HSPBP1: variants seen among roughly 807,000 people sequenced by gnomAD.
HSPBP1 encodes the protein hsp70-binding protein 1.
In HSPBP1, 31 loss-of-function variants were observed where a neutral mutation model predicts 41.7. That is an observed-to-expected ratio of 0.74 (90% CI 0.56 to 1.00). The LOEUF (loss-of-function observed/expected upper bound fraction) is 1.00, where lower values mean the gene tolerates loss of function less well. Ranked by LOEUF, HSPBP1 falls within the 50% of genes least tolerant of loss-of-function variation. HSPBP1 has a pLI of 0.00. For missense variants in HSPBP1, 439 were observed against 487.9 expected, an observed-to-expected ratio of 0.90 and a Z score of 0.94; for synonymous variants, 199 against 214.4, an observed-to-expected ratio of 0.93 and a Z score of 0.63.
intron 4 of HSPBP1, among the ~76,000 whole-genome samples, chr19:55,267,180 C>T (rs916603112): frequency 6.6e-6 from 1 of 152,064 alleles, no homozygotes; most frequent in Non-Finnish European, 1.5e-5. Context: ...GATGGACTCT[C>T]GTTCTGTTGC....
Position 55,270,834 on chromosome 19 carries a change from T to C in HSPBP1, c.640+3564A>G, listed in dbSNP as rs1434889784. Among the ~76,000 whole-genome samples the C allele has an allele frequency of 6.7e-6, 1 of 148,762 alleles. No homozygotes were observed. Among genetic ancestry groups the C allele is most frequent in the Non-Finnish European group, 1.5e-5 (1 of 67,250 alleles). ...ATGCACCCCACATACCCCACACATA[T>C]ACATACATCCCCCCAGCACACACAT... On this transcript the variant is annotated intron_variant, in intron 4 of 7. Transcript: ENST00000433386. The surrounding 1 kb of genome is among the most constrained non-coding windows in gnomAD (Gnocchi z 5.4).
chr19:55,274,260 C>T (rs1426721625), intron 4 of HSPBP1, 138 bp downstream of exon 4: 8 of 838,814 alleles, frequency 9.5e-6, no homozygotes, highest in South Asian at 3.3e-5. Context: ...AGCACTCAGC[C>T]GTGCAGGGGT....
Position 55,277,764 on chromosome 19 carries a change from C to T in HSPBP1, c.293G>A (p.Arg98Gln), listed in dbSNP as rs748715217. 9 of 1,606,208 alleles carry T rather than the reference C, an allele frequency of 5.6e-6. No homozygotes were observed. The highest frequency in any genetic ancestry group is 2.2e-5 in the East Asian group (1 of 44,604). Reference sequence around the variant, plus strand: ...GGGGGGCATGGGCTGTGACAGCACTCGGAGGCAGCTCTTCATCTGCTCCAC... The same window carrying T: ...GGGGGGCATGGGCTGTGACAGCACTTGGAGGCAGCTCTTCATCTGCTCCAC... ...EEVEQMKSCL[R>Q]VLSQPMPPTA... The change falls in exon 3 of 8, where the codon CGA (arginine) becomes CAA (glutamine). Residue 98 changes from arginine (R) to glutamine (Q), a missense_variant. By Grantham distance (43) the Arg-to-Gln change is conservative. Transcript: ENST00000433386.
intron 2 of HSPBP1, among the ~76,000 whole-genome samples, chr19:55,278,701 G>A (rs905732464): frequency 7.9e-5 from 12 of 152,008 alleles, no homozygotes; most frequent in East Asian, 3.9e-4. Context: ...ATCACTTGAC[G>A]CCAGGAGTTC....
upstream of HSPBP1, chr19:55,280,336 CT>C (rs879295850): frequency 5.2e-5 from 8 of 155,022 alleles, no homozygotes; most frequent in Admixed American, 2.0e-4. Flanking sequence ...AGCCCTGCCC[CT>C]GGCCCAGTTT....
rs1441706827 is a variant in HSPBP1 at position 55,272,233 on chromosome 19, A to T, written c.640+2165T>A. ...CAGGAGCACGAGAGCCCAGAGATAC[A>T]AGGAAACCAGGGACTGTCAGCAGAC... On this transcript the variant is annotated intron_variant, in intron 4 of 7. Transcript: ENST00000433386. The surrounding 1 kb of genome is among the most constrained non-coding windows in gnomAD (Gnocchi z 4.2). 2.6e-5 allele frequency among the ~76,000 whole-genome samples: 4 copies of T among 152,154 alleles called. No individual in the cohort carries two copies. The highest frequency in any genetic ancestry group is 9.7e-5 in the African/African-American group (4 of 41,436).
chr19:55,279,253 T>C (rs904088824), intron 2 of HSPBP1, 146 bp downstream of exon 2: 1 of 661,418 alleles, frequency 1.5e-6, no homozygotes, highest in South Asian at 2.0e-5. Context: ...GCACAATTTA[T>C]AGCCCACAAT....
intron 4 of HSPBP1, among the ~76,000 whole-genome samples, chr19:55,267,756 G>C (rs955275840): frequency 7.2e-5 from 11 of 152,238 alleles, no homozygotes; most frequent in African/African-American, 2.7e-4. Flanking sequence ...ACCGTCCCCA[G>C]TCCGCAACAT....
chr19:55,274,431 T>C lies in HSPBP1; in HGVS notation c.607A>G (p.Thr203Ala). 1.4e-6 allele frequency: 2 copies of C among 1,428,006 alleles called. No individual in the cohort carries two copies. Among genetic ancestry groups the C allele is most frequent in the Non-Finnish European group, 1.9e-6 (2 of 1,077,270 alleles). The allele number at this position is 1,428,006 out of a possible 1,614,324, so 88.5% of individuals were successfully genotyped here. A position where few individuals can be genotyped will look rare whatever the true frequency, so the allele number is the denominator to read the frequency against. ...LRLLDRDACD[T>A]VRVKALFAIS... ...GCGAAGAGGGCCTTGACGCGCACCGTGTCGCAGGCGTCGCGGTCCAGCAGC... is the reference window on the plus strand; with the variant it reads ...GCGAAGAGGGCCTTGACGCGCACCGCGTCGCAGGCGTCGCGGTCCAGCAGC... The change falls in exon 4 of 8, where the codon ACG (threonine) becomes GCG (alanine). Residue 203 changes from threonine (T) to alanine (A), a missense_variant. Coordinates refer to ENST00000433386, the MANE Select transcript of HSPBP1 (RefSeq NM_012267.5).
In HSPBP1 at chr19:55,279,600, G is replaced by A. The variant is rs567104613; in HGVS notation, c.9C>T (p.Asp3=). The part of the protein sequence containing the change: MS[D]EGSRGSRLPL... ...GCAGGCGGCTCCCCCTTGAGCCTTC[G>A]TCTGACATGGGCCGTTTGTGAAGAA... The change falls in exon 2 of 8, where the codon GAC becomes GAT. Residue 3 remains aspartate (D), a synonymous_variant. Coordinates refer to ENST00000433386, the MANE Select transcript of HSPBP1 (RefSeq NM_012267.5). 3 of 1,588,744 alleles carry A rather than the reference G, an allele frequency of 1.9e-6. No individual in the cohort carries two copies. Among genetic ancestry groups the A allele is most frequent in the East Asian group, 2.3e-5 (1 of 43,640 alleles).
At chr19:55,267,360 A>G (rs963491828) in intron 4 of HSPBP1, among the ~76,000 whole-genome samples, 5 of 152,162 alleles carry the variant, frequency 3.3e-5, no homozygotes, top group African/African-American at 4.8e-5. Context: ...CATGTTGGCC[A>G]GGTTGGTCTC....
intron 7 of HSPBP1, among the ~76,000 whole-genome samples, chr19:55,264,100 TG>T (rs2087713673): frequency 6.6e-6 from 1 of 151,978 alleles, no homozygotes; most frequent in Non-Finnish European, 1.5e-5. Flanking sequence ...CCTGGGTAGC[TG>T]GGATTACAAG....
rs2087670111 is a variant in HSPBP1, at chr19:55,262,473, G to C, written c.*135C>G. The C allele has an allele frequency of 2.7e-6, 4 of 1,472,608 alleles. No homozygotes were observed. Among genetic ancestry groups the C allele is most frequent in the Admixed American group, 2.3e-5 (1 of 43,966 alleles). The allele number at this position is 1,472,608 out of a possible 1,614,324, so 91.2% of individuals were successfully genotyped here. A position where few individuals can be genotyped will look rare whatever the true frequency, so the allele number is the denominator to read the frequency against. On this transcript the variant is annotated 3_prime_UTR_variant, in exon 8 of 8. Coordinates refer to ENST00000433386, the MANE Select transcript of HSPBP1 (RefSeq NM_012267.5). ...TTTCTCAGCGCCCCTTCCAGGGACT[G>C]CACAGAGACGGGCTGGCACACCCTG...
intron 4 of HSPBP1, among the ~76,000 whole-genome samples, chr19:55,266,663 T>C (rs965555394): frequency 6.6e-6 from 1 of 151,076 alleles, no homozygotes; most frequent in Non-Finnish European, 1.5e-5. Flanking sequence ...GTCACCATCA[T>C]CACCACCAAC....
chr19:55,277,877 G>A (rs1359336092), intron 2 of HSPBP1, 31 bp from the exon 3 acceptor site: 2 of 1,477,002 alleles, frequency 1.4e-6, no homozygotes, highest in Non-Finnish European at 1.8e-6. Context: ...GAAAGAAGGA[G>A]ATCCATCAGT....
chr19:55,266,276 T>G lies in HSPBP1; in HGVS notation c.651A>C (p.Arg217=). Residue 217 remains arginine (R), a synonymous_variant, in exon 5 of 8, where the codon CGA becomes CGC. Transcript: ENST00000433386. ...ACTGCAGCAGCCCAGCCTCCTGCTC[T>G]CGGACCAGACCTGGGAGAGGGGGAA... ...KALFAISCLV[R]EQEAGLLQFL... 1.9e-6 allele frequency: 3 copies of G among 1,576,554 alleles called. No individual in the cohort carries two copies. Among genetic ancestry groups the G allele is most frequent in the Non-Finnish European group, 2.6e-6 (3 of 1,161,390 alleles).
At chr19:55,273,080 C>T (rs2087967805) in intron 4 of HSPBP1, among the ~76,000 whole-genome samples, 1 of 152,164 alleles carries the variant, frequency 6.6e-6, no homozygotes, top group Non-Finnish European at 1.5e-5. Flanking sequence ...GCCTCAACTT[C>T]CCAGGCTCAG....
Position 55,265,942 on chromosome 19 carries a change from G to A in HSPBP1, c.837C>T (p.Ala279=). Residue 279 remains alanine (A), a synonymous_variant, in exon 6 of 8, where the codon GCC becomes GCT. Transcript: ENST00000433386. The part of the protein sequence containing the change: ...CSMGMVQQLV[A]LVRTEHSPFH... ...AGGGGCTGTGCTCTGTCCGCACCAG[G>A]GCCACCAGCTGCTGGACCATCCCCA... 1.2e-6 allele frequency: 2 copies of A among 1,607,976 alleles called. No individual in the cohort carries two copies. The highest frequency in any genetic ancestry group is 1.1e-5 in the South Asian group (1 of 89,898).
chr19:55,275,257 G>A (rs2088040847), intron 3 of HSPBP1, among the ~76,000 whole-genome samples: 1 of 152,142 alleles, frequency 6.6e-6, no homozygotes, highest in South Asian at 2.1e-4. Context: ...CCCACCTCCT[G>A]TTTTTGTAAA....
Sources: gnomAD v4.1 joint callset for allele counts (sites outside exome capture counted in the v4.1 genomes callset) on GRCh38, gnomAD v4.1.1 for gene constraint, Gnocchi (gnomAD v3.1) non-coding constraint, MANE v1.5 for transcripts, NCBI Gene and HGNC (gene_info 2026-07-23, HGNC 2026-07-21) for gene names.